ASTN2: variants seen among roughly 807,000 people sequenced by gnomAD.
The protein encoded by ASTN2 is astrotactin-2.
ASTN2 carries 54 observed loss-of-function variants against 139.8 expected under a neutral mutation model. The ratio of observed to expected loss-of-function variants is 0.39; its 90% CI spans 0.31 to 0.48. ASTN2 has a LOEUF of 0.48. Ranked by LOEUF, ASTN2 falls within the 20% of genes least tolerant of loss-of-function variation. The pLI is 0.95. For synonymous variants in ASTN2, 756 were observed against 719.5 expected (o/e 1.05, Z -0.81); for missense variants, 1,565 against 1,725.1 (o/e 0.91, Z 1.64).
intron 1 of ASTN2, among the ~76,000 whole-genome samples, chr9:117,298,010 G>T (rs942409746): frequency 1.3e-5 from 2 of 152,166 alleles, no homozygotes; most frequent in Admixed American, 1.3e-4. Flanking sequence ...TCCTTAACAG[G>T]TATCCCTACC....
At chr9:116,464,128 G>A (rs573231049) in intron 20 of ASTN2, among the ~76,000 whole-genome samples, 2 of 152,002 alleles carry the variant, frequency 1.3e-5, no homozygotes, top group East Asian at 3.9e-4. Flanking sequence ...CAAATTAATG[G>A]TTGAATGTAT....
chr9:116,652,815 ACT>A (rs1857994431), intron 16 of ASTN2, among the ~76,000 whole-genome samples: 1 of 151,940 alleles, frequency 6.6e-6, no homozygotes, highest in Admixed American at 6.6e-5. Flanking sequence ...TCATGTGCAC[ACT>A]GAGATCTGAC....
chr9:116,583,730 C>A (rs1854040099), intron 19 of ASTN2: 1 of 152,178 alleles, frequency 6.6e-6, no homozygotes, highest in South Asian at 2.1e-4. Flanking sequence ...CCCACTCACA[C>A]ACCTTGAGTC....
chr9:116,569,408 G>A (rs1219930703), intron 19 of ASTN2, among the ~76,000 whole-genome samples: 2 of 152,224 alleles, frequency 1.3e-5, no homozygotes, highest in Non-Finnish European at 2.9e-5. Context: ...TTGCTGTTAT[G>A]ATTATCAATC....
intron 20 of ASTN2, among the ~76,000 whole-genome samples, chr9:116,462,050 C>T (rs145311251): frequency 3.3e-4 from 50 of 152,240 alleles, no homozygotes; most frequent in African/African-American, 1.2e-3. Context: ...GAAACTAAAG[C>T]TCTGGTTTGG....
intron 3 of ASTN2, among the ~76,000 whole-genome samples, chr9:117,203,684 G>A (rs1366524919): frequency 6.6e-6 from 1 of 152,120 alleles, no homozygotes; most frequent in East Asian, 1.9e-4. Context: ...TGTGCCTGGA[G>A]ATGTCACTCA....
At chr9:116,527,589 G>A (rs2119268540) in intron 19 of ASTN2, among the ~76,000 whole-genome samples, 1 of 152,290 alleles carries the variant, frequency 6.6e-6, no homozygotes, top group East Asian at 1.9e-4. Context: ...AGCAGCATGA[G>A]AATTCATCAA....
At chr9:117,267,578 A>G (rs1013399967) in intron 2 of ASTN2, among the ~76,000 whole-genome samples, 2 of 152,234 alleles carry the variant, frequency 1.3e-5, no homozygotes, top group Non-Finnish European at 2.9e-5. Context: ...ATCTTTGCAA[A>G]GTTTCTGCAA....
chr9:116,963,429 C>A (rs1835922285), intron 10 of ASTN2, among the ~76,000 whole-genome samples: 1 of 152,168 alleles, frequency 6.6e-6, no homozygotes, highest in Non-Finnish European at 1.5e-5. Flanking sequence ...CTACTGAATG[C>A]TGGCTGAAAC....
At chr9:116,820,012 T>C (rs987795332) in intron 12 of ASTN2, among the ~76,000 whole-genome samples, 5 of 152,226 alleles carry the variant, frequency 3.3e-5, no homozygotes, top group African/African-American at 1.2e-4. Flanking sequence ...CGTGTTCCCC[T>C]TTTAGCCTCA....
chr9:117,013,467 A>T (rs1454690313), intron 6 of ASTN2, among the ~76,000 whole-genome samples: 1 of 115,516 alleles, frequency 8.7e-6, no homozygotes, highest in African/African-American at 3.0e-5. Flanking sequence ...CTTATTTTTA[A>T]ATATATATAT....
intron 19 of ASTN2, among the ~76,000 whole-genome samples, chr9:116,577,523 C>T (rs895934052): frequency 1.3e-5 from 2 of 149,302 alleles, no homozygotes; most frequent in African/African-American, 5.0e-5. Flanking sequence ...CAGAATGAAA[C>T]TGTGTCTCAA....
At chr9:117,317,422 T>C (rs1451355391) in intron 1 of ASTN2, among the ~76,000 whole-genome samples, 3 of 152,268 alleles carry the variant, frequency 2.0e-5, no homozygotes, top group Admixed American at 6.5e-5. Context: ...AGCCCGACAA[T>C]GCCTGGGAAG....
chr9:116,623,010 G>T (rs1257230623), intron 17 of ASTN2, among the ~76,000 whole-genome samples: 1 of 152,142 alleles, frequency 6.6e-6, no homozygotes, highest in Non-Finnish European at 1.5e-5. Context: ...ACTACTGATG[G>T]CTTAAAATTC....
At chr9:116,632,156 GAC>G (rs367631325) in intron 17 of ASTN2, among the ~76,000 whole-genome samples, 525 of 49,938 alleles carry the variant, frequency 0.011, 8 homozygotes, top group African/African-American at 0.03. Context: ...GAGAGAGAGA[GAC>G]AGAGAGAGAG....
chr9:117,129,039 T>C (rs1829769263), intron 4 of ASTN2, among the ~76,000 whole-genome samples: 2 of 151,904 alleles, frequency 1.3e-5, no homozygotes, highest in African/African-American at 4.8e-5. Context: ...CAAGATGATA[T>C]TTGGGTGGGC....
At chr9:116,847,551 TTAA>T (rs1241372978) in intron 11 of ASTN2, among the ~76,000 whole-genome samples, 3 of 152,204 alleles carry the variant, frequency 2.0e-5, no homozygotes, top group East Asian at 1.9e-4. Context: ...GTGTAGCTCA[TTAA>T]TAATAATAAT....
chr9:116,951,883 T>C (rs1283492579), intron 10 of ASTN2, among the ~76,000 whole-genome samples: 5 of 152,220 alleles, frequency 3.3e-5, no homozygotes, highest in Non-Finnish European at 7.3e-5. Context: ...TAGACTATTA[T>C]TAGCACTACA....
At chr9:117,164,066 T>C (rs1830613117) in intron 3 of ASTN2, among the ~76,000 whole-genome samples, 1 of 150,854 alleles carries the variant, frequency 6.6e-6, no homozygotes, top group South Asian at 2.1e-4. Flanking sequence ...GATTTTTTGA[T>C]TGATAAACAA....
Sources: gnomAD v4.1 joint callset for allele counts (sites outside exome capture counted in the v4.1 genomes callset) on GRCh38, gnomAD v4.1.1 for gene constraint, MANE v1.5 for transcripts, NCBI Gene and HGNC (gene_info 2026-07-23, HGNC 2026-07-21) for gene names.